MID1: variants seen among roughly 807,000 people sequenced by gnomAD.
MID1 encodes the protein E3 ubiquitin-protein ligase Midline-1.
MID1 carries 7 observed loss-of-function variants against 40.4 expected under a neutral mutation model. The ratio of observed to expected loss-of-function variants is 0.17; its 90% CI spans 0.10 to 0.33. MID1 has a LOEUF of 0.33. Ranked by LOEUF, MID1 falls within the 10% of genes least tolerant of loss-of-function variation. The pLI, the probability that MID1 is intolerant of heterozygous loss-of-function variation, is 1.00. For missense variants in MID1, 367 were observed against 558.5 expected, an observed-to-expected ratio of 0.66 and a Z score of 3.46; for synonymous variants, 229 against 221.2, an observed-to-expected ratio of 1.04 and a Z score of -0.31.
At chrX:10,586,910 G>A (rs1029743977) in intron 1 of MID1, among the ~76,000 whole-genome samples, 2 of 112,651 alleles carry the variant, frequency 1.8e-5, no homozygotes, top group Non-Finnish European at 3.8e-5. Context: ...TAGCCCCAGG[G>A]CTGGGGCTGA....
chrX:10,655,442 G>A (rs749787808), intron 1 of MID1, among the ~76,000 whole-genome samples: 5 of 110,895 alleles, frequency 4.5e-5, no homozygotes, highest in South Asian at 3.9e-4. Flanking sequence ...AAAGTGACCC[G>A]GACCTCCTGC....
At chrX:10,717,482 A>T (rs1249418142) in intron 1 of MID1, among the ~76,000 whole-genome samples, 1 of 111,032 alleles carries the variant, frequency 9.0e-6, no homozygotes, top group Admixed American at 9.6e-5. Context: ...GATCAATTCA[A>T]CAAGCAGAGC....
chrX:10,812,793 C>A (rs2044111133), intron 1 of MID1, among the ~76,000 whole-genome samples: 1 of 111,418 alleles, frequency 9.0e-6, no homozygotes, highest in African/African-American at 3.3e-5. Flanking sequence ...GCCCAAGTCT[C>A]CACTGAACCA....
rs745465805 is a variant in MID1, at chrX:10,450,593, C to T, written c.1656-877G>A. On this transcript the variant is annotated intron_variant, in intron 9 of 9. Transcript: ENST00000317552. Reference sequence around the variant, plus strand: ...TTTGAACTCAGGATGACTCAAAACCCACAAACACGAACTACATTCTACAAT... The same window carrying T: ...TTTGAACTCAGGATGACTCAAAACCTACAAACACGAACTACATTCTACAAT... Among the ~76,000 whole-genome samples, 6 of 112,247 alleles carry T rather than the reference C, an allele frequency of 5.3e-5. No individual in the cohort carries two copies. The South Asian group carries it at 2.2e-3, about 41-fold the overall frequency.
At position 10,567,216 on chromosome X, in the gene MID1, ATGG is replaced by A; in HGVS notation, c.329_331del (p.Thr110del). The A allele has an allele frequency of 8.3e-7, 1 of 1,211,251 alleles. No individual in the cohort carries two copies. The highest frequency in any genetic ancestry group is 1.1e-6 in the Non-Finnish European group (1 of 895,104). ...GCAGAGGACCTTCTCGGCGGAGGTC[ATGG>A]TGTTGGCGTCAAAGGCCCGCTCCCG... On this transcript the variant is annotated inframe_deletion, in exon 2 of 10. Transcript: ENST00000317552.
chrX:10,577,556 TAAAC>T (rs199966056), intron 1 of MID1, among the ~76,000 whole-genome samples: 1,328 of 110,454 alleles, frequency 0.012, 22 homozygotes, highest in African/African-American at 0.041. Flanking sequence ...ATCATCCTGA[TAAAC>T]AATTTAAAAT....
At chrX:10,541,655 A>C (rs1414722506) in intron 2 of MID1, among the ~76,000 whole-genome samples, 2 of 111,604 alleles carry the variant, frequency 1.8e-5, no homozygotes, top group African/African-American at 6.5e-5. Context: ...GTAGAGAAAA[A>C]GTATTTCCTA....
chrX:10,784,023 T>C (rs1198267207), intron 1 of MID1, among the ~76,000 whole-genome samples: 2 of 111,982 alleles, frequency 1.8e-5, no homozygotes, highest in African/African-American at 3.2e-5. Context: ...ATATTTATTT[T>C]TTATAAAAAG....
rs761942113 is a variant in MID1 at position 10,459,577 on chromosome X, A to T, written c.1447+69T>A. 5.4e-6 allele frequency: 6 copies of T among 1,105,118 alleles called. No homozygotes were observed. In the South Asian group the frequency reaches 1.1e-4, roughly 20 times the overall value. The allele number at this position is 1,105,118 out of a possible 1,213,427, so 91.1% of individuals were successfully genotyped here. ...CCCAAGACAGAGAAAAGGAAAAGAA[A>T]GGGGGACAGAGTCAGCTGAAAGAAG... On this transcript the variant is annotated intron_variant, in intron 8 of 9. Coordinates refer to ENST00000317552, the MANE Select transcript of MID1 (RefSeq NM_000381.4).
intron 1 of MID1, among the ~76,000 whole-genome samples, chrX:10,751,046 C>A (rs2043594823): frequency 9.0e-6 from 1 of 110,725 alleles, no homozygotes; most frequent in Admixed American, 9.7e-5. Context: ...AGGCGGATCA[C>A]TTGGGGTCAG....
At chrX:10,796,396 A>G (rs1214085238) in intron 1 of MID1, among the ~76,000 whole-genome samples, 3 of 106,334 alleles carry the variant, frequency 2.8e-5, no homozygotes, top group African/African-American at 1.1e-4. Context: ...GGCTGTTTAC[A>G]GAAAGAAGAA....
chrX:10,802,639 G>A (rs1488526009), intron 1 of MID1, among the ~76,000 whole-genome samples: 2 of 111,812 alleles, frequency 1.8e-5, no homozygotes, highest in Non-Finnish European at 1.9e-5. Flanking sequence ...GTATTTAACA[G>A]AGAACTACCA....
intron 1 of MID1, among the ~76,000 whole-genome samples, chrX:10,719,331 T>C (rs2043330658): frequency 9.0e-6 from 1 of 111,695 alleles, no homozygotes; most frequent in Non-Finnish European, 1.9e-5. Context: ...CTTAAGCTGA[T>C]AAGCAACTTC....
intron 3 of MID1, among the ~76,000 whole-genome samples, chrX:10,500,197 T>C (rs1001762713): frequency 2.7e-5 from 3 of 112,013 alleles, no homozygotes; most frequent in African/African-American, 9.7e-5. Flanking sequence ...CTCAATTTAA[T>C]CCAAATTTTG....
At chrX:10,578,495 T>C (rs1934929349) in intron 1 of MID1, among the ~76,000 whole-genome samples, 1 of 112,680 alleles carries the variant, frequency 8.9e-6, no homozygotes, top group Non-Finnish European at 1.9e-5. Context: ...TACAATCTTC[T>C]AAAGGGCATA....
upstream of MID1, among the ~76,000 whole-genome samples, chrX:10,623,083 C>CAAAAAAAAAAAAAAA (rs763054366): frequency 0.012 from 389 of 32,457 alleles, 9 homozygotes; most frequent in African/African-American, 0.019. Context: ...GCTGTCTCTA[C>CAAAAAAAAAAAAAAA]AAAAAAAAAA....
At chrX:10,594,788 G>C (rs759872213) in intron 1 of MID1, among the ~76,000 whole-genome samples, 1 of 111,836 alleles carries the variant, frequency 8.9e-6, no homozygotes, top group Non-Finnish European at 1.9e-5. Flanking sequence ...TAGCGCACTT[G>C]TATTAATTCT....
chrX:10,800,965 A>T (rs73202028), intron 1 of MID1, among the ~76,000 whole-genome samples: 4 of 111,913 alleles, frequency 3.6e-5, no homozygotes, highest in Non-Finnish European at 7.5e-5. Context: ...TTCCCTCAGG[A>T]ACCATTTTGG....
At chrX:10,452,927 G>A (rs965089783) in intron 9 of MID1, among the ~76,000 whole-genome samples, 3 of 111,939 alleles carry the variant, frequency 2.7e-5, no homozygotes, top group Non-Finnish European at 5.6e-5. Flanking sequence ...TATTAATAGA[G>A]TAATAATCAT....
Sources: allele counts gnomAD v4.1 joint callset (sites outside exome capture counted in the v4.1 genomes callset), GRCh38; gene constraint gnomAD v4.1.1; transcripts MANE v1.5; gene names NCBI Gene and HGNC (gene_info 2026-07-23, HGNC 2026-07-21).